Variants in PEBP4 observed in about 807,000 individuals in gnomAD.
PEBP4 encodes the protein phosphatidylethanolamine-binding protein 4.
In PEBP4, 22 loss-of-function variants were observed where a neutral mutation model predicts 23.9. That is an observed-to-expected ratio of 0.92 (90% CI 0.66 to 1.31). The LOEUF (loss-of-function observed/expected upper bound fraction) is 1.31, where lower values mean the gene tolerates loss of function less well. PEBP4 is among the 40% of genes most tolerant of loss of function. The pLI, the probability that PEBP4 is intolerant of heterozygous loss-of-function variation, is 0.00. For synonymous variants in PEBP4, 112 were observed against 99.3 expected (o/e 1.13, Z -0.76); for missense variants, 324 against 281.7 (o/e 1.15, Z -1.07).
chr8:22,927,231 G>A (rs1809359695), intron 2 of PEBP4, among the ~76,000 whole-genome samples: 1 of 152,024 alleles, frequency 6.6e-6, no homozygotes, highest in Non-Finnish European at 1.5e-5. Flanking sequence ...GGGAGAGGGG[G>A]CATTCAGGCT....
intron 4 of PEBP4, among the ~76,000 whole-genome samples, chr8:22,784,375 A>T (rs1805986745): frequency 6.6e-6 from 1 of 152,316 alleles, no homozygotes; most frequent in East Asian, 1.9e-4. Context: ...GAAGGAAGGA[A>T]GGGAAGGGAC....
At chr8:22,894,382 G>C (rs926860222) in intron 3 of PEBP4, among the ~76,000 whole-genome samples, 1 of 151,976 alleles carries the variant, frequency 6.6e-6, no homozygotes, top group Admixed American at 6.6e-5. Flanking sequence ...GACCAGCCCA[G>C]GCAACATGGT....
intron 3 of PEBP4, among the ~76,000 whole-genome samples, chr8:22,832,960 G>A (rs1474077960): frequency 6.6e-6 from 1 of 151,380 alleles, no homozygotes; most frequent in Non-Finnish European, 1.5e-5. Context: ...TGGACAACAA[G>A]GGGCAGCCCC....
At chr8:22,900,699 G>C (rs960930703) in intron 3 of PEBP4, among the ~76,000 whole-genome samples, 2 of 151,246 alleles carry the variant, frequency 1.3e-5, no homozygotes, top group Non-Finnish European at 2.9e-5. Context: ...ACAGATGAGA[G>C]AACTAGCCTA....
At chr8:22,792,616 G>A (rs1449574833) in intron 4 of PEBP4, among the ~76,000 whole-genome samples, 5 of 152,028 alleles carry the variant, frequency 3.3e-5, no homozygotes, top group Admixed American at 3.3e-4. Context: ...CTTCACACAC[G>A]CTGCCTTATT....
chr8:22,799,509 G>A (rs991350222), intron 4 of PEBP4, among the ~76,000 whole-genome samples: 2 of 152,210 alleles, frequency 1.3e-5, no homozygotes, highest in Non-Finnish European at 2.9e-5. Context: ...ATTGGCAGGG[G>A]CCAGGTTAAG....
intron 4 of PEBP4, among the ~76,000 whole-genome samples, chr8:22,733,406 G>A (rs1019768904): frequency 1.3e-5 from 2 of 152,296 alleles, no homozygotes; most frequent in South Asian, 2.1e-4. Flanking sequence ...AGGGTCCAGC[G>A]ACACTCCTCC....
intron 3 of PEBP4, among the ~76,000 whole-genome samples, chr8:22,898,120 A>C (rs1032719838): frequency 1.3e-5 from 2 of 151,876 alleles, no homozygotes; most frequent in Non-Finnish European, 2.9e-5. Context: ...AGCCAGGCGC[A>C]GTGGCTCACG....
intron 3 of PEBP4, chr8:22,878,243 AG>A (rs1024470921): frequency 6.5e-5 from 9 of 137,764 alleles, no homozygotes; most frequent in African/African-American, 2.1e-4. Context: ...GGAGGGAGGG[AG>A]GGAGGGGCGG....
chr8:22,806,571 T>C (rs1039550565), intron 4 of PEBP4, among the ~76,000 whole-genome samples: 2 of 145,646 alleles, frequency 1.4e-5, no homozygotes, highest in Non-Finnish European at 3.0e-5. Flanking sequence ...GCCGAGATCA[T>C]GCCACTGCAC....
chr8:22,773,101 T>G (rs1227820614), intron 4 of PEBP4, among the ~76,000 whole-genome samples: 1 of 145,200 alleles, frequency 6.9e-6, no homozygotes, highest in East Asian at 2.2e-4. Flanking sequence ...CCAACTGTAC[T>G]AATTACCAAC....
At chr8:22,828,921 C>T (rs542076258) in intron 3 of PEBP4, among the ~76,000 whole-genome samples, 33 of 152,218 alleles carry the variant, frequency 2.2e-4, no homozygotes, top group East Asian at 1.4e-3. Context: ...ATCCCCCAAA[C>T]GGCTCCACCT....
chr8:22,784,833 C>T (rs1805996391), intron 4 of PEBP4, among the ~76,000 whole-genome samples: 1 of 152,198 alleles, frequency 6.6e-6, no homozygotes, highest in African/African-American at 2.4e-5. Context: ...GAACTCCAGG[C>T]CTCCCTTCCT....
intron 3 of PEBP4, among the ~76,000 whole-genome samples, chr8:22,860,218 A>ATATATATATACACATATATATG (rs1563240400): frequency 1.4e-5 from 2 of 143,144 alleles, no homozygotes; most frequent in African/African-American, 2.8e-5. Flanking sequence ...ACATATATGT[A>ATATATATATACACATATATATG]TATATATATA....
chr8:22,808,381 T>A (rs1027942860), intron 4 of PEBP4, among the ~76,000 whole-genome samples: 25 of 152,232 alleles, frequency 1.6e-4, no homozygotes, highest in Non-Finnish European at 2.9e-5. Flanking sequence ...TCTTTATTCA[T>A]TCATTCATTT....
chr8:22,781,451 CT>C (rs931433853), intron 4 of PEBP4, among the ~76,000 whole-genome samples: 1 of 151,674 alleles, frequency 6.6e-6, no homozygotes, highest in East Asian at 1.9e-4. Flanking sequence ...CCGCTTTTTA[CT>C]TTTTTTTTGG....
chr8:22,920,457 T>C (rs1345236163), intron 2 of PEBP4, 147 bp from the exon 3 acceptor site: 1 of 920,296 alleles, frequency 1.1e-6, no homozygotes, highest in African/African-American at 1.7e-5. Flanking sequence ...GACCGAAGAG[T>C]TACTTGACCT....
chr8:22,728,861 G>T (rs1020757457), intron 4 of PEBP4, among the ~76,000 whole-genome samples: 1 of 152,282 alleles, frequency 6.6e-6, no homozygotes, highest in South Asian at 2.1e-4. Flanking sequence ...GGCTCCCAAA[G>T]TGCTGGGATT....
intron 3 of PEBP4, among the ~76,000 whole-genome samples, chr8:22,853,474 C>T (rs1406458607): frequency 2.0e-5 from 3 of 152,224 alleles, no homozygotes; most frequent in Non-Finnish European, 4.4e-5. Context: ...AATTTTCAAG[C>T]TGCTTAATAT....
Sources: allele counts gnomAD v4.1 joint callset (sites outside exome capture counted in the v4.1 genomes callset), GRCh38; gene constraint gnomAD v4.1.1; transcripts MANE v1.5; gene names NCBI Gene and HGNC (gene_info 2026-07-23, HGNC 2026-07-21).